Variants in SEMA4F observed in about 807,000 individuals in gnomAD.
SEMA4F encodes the protein semaphorin-4F.
In SEMA4F, 51 loss-of-function variants were observed where a neutral mutation model predicts 78.4. That is an observed-to-expected ratio of 0.65 (90% CI 0.52 to 0.82). The LOEUF is 0.82. SEMA4F is among the 40% of genes least tolerant of loss of function. SEMA4F has a pLI of 0.00. For synonymous variants in SEMA4F, 418 were observed against 408.7 expected, an observed-to-expected ratio of 1.02 and a Z score of -0.27; for missense variants, 938 against 1,014.4, an observed-to-expected ratio of 0.92 and a Z score of 1.02.
chr2:74,692,165 A>G, the SEMA4F span, among the ~76,000 whole-genome samples: 1 of 152,216 alleles, frequency 6.6e-6, no homozygotes, highest in Non-Finnish European at 1.5e-5. Flanking sequence ...ATTGAGACCT[A>G]GGAGTGGCCT....
rs535716416 is a variant in SEMA4F at position 74,673,719 on chromosome 2, G to C, written c.713G>C (p.Trp238Ser). The C allele has an allele frequency of 1.2e-5, 20 of 1,614,124 alleles. No homozygotes were observed. The South Asian group carries it at 1.5e-4, about 12-fold the overall frequency. Reference sequence around the variant, plus strand: ...GCCGTGGCCTTGAGCCCAGCCGAATGGGGGGATGAAGATGGAGACGACGAA... The same window carrying C: ...GCCGTGGCCTTGAGCCCAGCCGAATCGGGGGATGAAGATGGAGACGACGAA... The part of the protein sequence containing the change: ...VAAVALSPAE[W>S]GDEDGDDEIY... The change falls in exon 7 of 14, where the codon TGG (tryptophan) becomes TCG (serine). Residue 238 changes from tryptophan (W) to serine (S), a missense_variant. Trp to Ser is a radical substitution (Grantham distance 177, BLOSUM62 -3). Transcript: ENST00000357877.
chr2:74,680,718 A>G lies in SEMA4F; in HGVS notation c.*509A>G, dbSNP rs1431219742. ...TCTGCCCTGAGATCTTCCCCATCTC[A>G]GTTTTCCTTCCATGAAAGAGTACGT... On this transcript the variant is annotated 3_prime_UTR_variant, in exon 14 of 14. Coordinates refer to ENST00000357877, the MANE Select transcript of SEMA4F (RefSeq NM_004263.5). The G allele has an allele frequency of 6.5e-6, 1 of 153,844 alleles. No individual in the cohort carries two copies. Among genetic ancestry groups the G allele is most frequent in the Non-Finnish European group, 1.4e-5 (1 of 69,244 alleles). 9.5% of individuals were successfully genotyped at this position (153,844 alleles called of 1,614,324 possible).
chr2:74,664,065 C>G (rs542235074), intron 5 of SEMA4F, among the ~76,000 whole-genome samples: 51 of 152,290 alleles, frequency 3.3e-4, no homozygotes, highest in Middle Eastern at 6.8e-3. Context: ...AATTTATTAG[C>G]AGCCACACAG....
At chr2:74,664,029 A>C (rs937548955) in intron 5 of SEMA4F, among the ~76,000 whole-genome samples, 1 of 152,210 alleles carries the variant, frequency 6.6e-6, no homozygotes, top group Non-Finnish European at 1.5e-5. Flanking sequence ...TCACAAACCT[A>C]AACCTCTTCT....
the SEMA4F span, among the ~76,000 whole-genome samples, chr2:74,702,728 G>T: frequency 6.6e-6 from 1 of 152,162 alleles, no homozygotes. Flanking sequence ...AGGGGAGGGG[G>T]TGTTGATTAA....
At chr2:74,703,474 G>A in the SEMA4F span, among the ~76,000 whole-genome samples, 1 of 152,218 alleles carries the variant, frequency 6.6e-6, no homozygotes, top group African/African-American at 2.4e-5. Context: ...ACTTAGCCGC[G>A]AAATAGTGAA....
intron 4 of SEMA4F, among the ~76,000 whole-genome samples, chr2:74,659,959 T>C (rs3025987): frequency 0.018 from 2,762 of 152,298 alleles, 42 homozygotes; most frequent in Middle Eastern, 0.034. Context: ...TGATAGCTCA[T>C]TGGACATTGG....
intron 5 of SEMA4F, among the ~76,000 whole-genome samples, chr2:74,669,591 C>T (rs1053864639): frequency 3.5e-5 from 5 of 142,512 alleles, no homozygotes; most frequent in African/African-American, 1.4e-4. Flanking sequence ...TCTCAAACAA[C>T]AACAACAACA....
intron 12 of SEMA4F, among the ~76,000 whole-genome samples, chr2:74,678,696 A>G (rs1230112767): frequency 6.6e-6 from 1 of 152,206 alleles, no homozygotes; most frequent in African/African-American, 2.4e-5. Context: ...TGGAAGTGAC[A>G]GGACTGTGCC....
At chr2:74,689,016 C>A in the SEMA4F span, among the ~76,000 whole-genome samples, 8 of 152,154 alleles carry the variant, frequency 5.3e-5, no homozygotes, top group Non-Finnish European at 1.2e-4. Context: ...CAAGGATAGG[C>A]AGATGAGTAA....
rs141779403 is a variant in SEMA4F, at chr2:74,675,894, C to T, written c.1628C>T (p.Ala543Val). 8.5e-5 allele frequency: 137 copies of T among 1,612,216 alleles called. No individual in the cohort carries two copies. In the African/African-American group the frequency reaches 1.6e-3, roughly 19 times the overall value. Residue 543 changes from alanine to valine, a missense_variant, in exon 12 of 14, where the codon GCC (alanine) becomes GTC (valine). Coordinates refer to ENST00000357877, the MANE Select transcript of SEMA4F (RefSeq NM_004263.5). ...SFRLDECVAH[A>V]GEHRGLVQDI... ...CGGCTGGATGAGTGTGTGGCCCATG[C>T]CGGGGAGCACCGAGGGTGAGTGTAG...
intron 5 of SEMA4F, among the ~76,000 whole-genome samples, chr2:74,667,094 A>T (rs1684734319): frequency 6.6e-6 from 1 of 152,234 alleles, no homozygotes; most frequent in Non-Finnish European, 1.5e-5. Context: ...GCATTTTCTC[A>T]TCATAGAAAT....
downstream of SEMA4F, among the ~76,000 whole-genome samples, chr2:74,684,184 C>T (rs894277800): frequency 6.0e-5 from 9 of 151,028 alleles, no homozygotes; most frequent in Non-Finnish European, 8.8e-5. Flanking sequence ...CCTAGGTAAA[C>T]GTCCTTGGAA....
intron 5 of SEMA4F, among the ~76,000 whole-genome samples, chr2:74,664,742 T>C (rs1439458876): frequency 6.6e-6 from 1 of 152,240 alleles, no homozygotes; most frequent in Non-Finnish European, 1.5e-5. Flanking sequence ...CTTCATGTTT[T>C]AGTACTTATT....
the SEMA4F span, among the ~76,000 whole-genome samples, chr2:74,708,785 A>G: frequency 6.6e-6 from 1 of 152,232 alleles, no homozygotes; most frequent in African/African-American, 2.4e-5. Context: ...AGAAACCATT[A>G]TAAAAATGCT....
chr2:74,677,248 A>G (rs1027868485), intron 12 of SEMA4F, among the ~76,000 whole-genome samples: 1 of 152,294 alleles, frequency 6.6e-6, no homozygotes, highest in East Asian at 1.9e-4. Context: ...AATCATATCC[A>G]AAAGTAGAGA....
At chr2:74,674,404 C>T (rs1381742897) in intron 7 of SEMA4F, 94 bp from the exon 8 acceptor site, 1 of 1,150,122 alleles carries the variant, frequency 8.7e-7, no homozygotes. Flanking sequence ...TGTCTGTCTG[C>T]CCTGAAGTCA....
chr2:74,699,749 C>T, the SEMA4F span, among the ~76,000 whole-genome samples: 1 of 152,094 alleles, frequency 6.6e-6, no homozygotes, highest in African/African-American at 2.4e-5. Context: ...AGAGTGTTAC[C>T]ATAGAAACTC....
rs1685729110 is a variant in SEMA4F, at chr2:74,683,489, A to G, written c.*3280A>G. 1 of 152,212 alleles carries G rather than the reference A, an allele frequency of 6.6e-6. No individual in the cohort carries two copies. The highest frequency in any genetic ancestry group is 1.5e-5 in the Non-Finnish European group (1 of 68,056). The allele number at this position is 152,212 out of a possible 1,614,324, so 9.4% of individuals were successfully genotyped here. A position where few individuals can be genotyped will look rare whatever the true frequency, so the allele number is the denominator to read the frequency against. On this transcript the variant is annotated 3_prime_UTR_variant, in exon 14 of 14. Coordinates refer to ENST00000357877, the MANE Select transcript of SEMA4F (RefSeq NM_004263.5). ...TTTTTCTTTTGAGTGATGTAGACCT[A>G]TGCCCTGCTTCCATGCCACTTCCTC...
Sources: allele counts gnomAD v4.1 joint callset (sites outside exome capture counted in the v4.1 genomes callset), GRCh38; gene constraint gnomAD v4.1.1; transcripts MANE v1.5; gene names NCBI Gene and HGNC (gene_info 2026-07-23, HGNC 2026-07-21).